APP: variants seen among roughly 807,000 people sequenced by gnomAD.
The protein encoded by APP is amyloid-beta precursor protein.
A neutral mutation model predicts 101.4 loss-of-function variants in APP; 31 were observed. That is an observed-to-expected ratio of 0.31 (90% confidence interval 0.23 to 0.41). APP has a LOEUF of 0.41. Among genes scored for constraint, APP ranks in the 10% least tolerant of loss-of-function variants. APP has a pLI of 1.00. For synonymous variants in APP, 366 were observed against 364.4 expected, an observed-to-expected ratio of 1.00 and a Z score of -0.05; for missense variants, 839 against 1,003.7, an observed-to-expected ratio of 0.84 and a Z score of 2.22.
chr21:26,043,158 C>T (rs2045450708), intron 5 of APP, among the ~76,000 whole-genome samples: 1 of 152,164 alleles, frequency 6.6e-6, no homozygotes, highest in African/African-American at 2.4e-5. Context: ...ACCCATCATG[C>T]TATGTTATTA....
chr21:26,169,212 A>G (rs2063684786), intron 1 of APP: 1 of 152,302 alleles, frequency 6.6e-6, no homozygotes, highest in African/African-American at 2.4e-5. Context: ...AAGACTTGTT[A>G]TACACCTAGT....
intron 11 of APP, among the ~76,000 whole-genome samples, chr21:25,962,383 T>C (rs769517192): frequency 6.6e-6 from 1 of 152,238 alleles, no homozygotes; most frequent in Non-Finnish European, 1.5e-5. Flanking sequence ...TATTTCTACC[T>C]CTAGGCACAG....
chr21:25,932,734 A>G (rs1174856165), intron 13 of APP, among the ~76,000 whole-genome samples: 1 of 151,516 alleles, frequency 6.6e-6, no homozygotes, highest in African/African-American at 2.5e-5. Context: ...TGAAACTAAA[A>G]AAGAAAAAAA....
intron 5 of APP, among the ~76,000 whole-genome samples, chr21:26,025,605 C>A (rs2044534424): frequency 6.6e-6 from 1 of 152,110 alleles, no homozygotes; most frequent in African/African-American, 2.4e-5. Flanking sequence ...TGAATAGAAA[C>A]CATGTTTGTA....
chr21:25,890,775 G>C (rs1401160306), intron 17 of APP, among the ~76,000 whole-genome samples: 3 of 150,088 alleles, frequency 2.0e-5, no homozygotes, highest in East Asian at 2.0e-4. Flanking sequence ...TGGACTCTGA[G>C]CTTGACCTTG....
chr21:26,094,288 G>A (rs1269244276), intron 2 of APP, among the ~76,000 whole-genome samples: 1 of 152,060 alleles, frequency 6.6e-6, no homozygotes, highest in Non-Finnish European at 1.5e-5. Flanking sequence ...TCCAACATCA[G>A]GAGGTTTATT....
intron 13 of APP, among the ~76,000 whole-genome samples, chr21:25,912,317 A>G (rs1469679730): frequency 6.6e-6 from 1 of 152,180 alleles, no homozygotes; most frequent in African/African-American, 2.4e-5. Context: ...CTAGTATACA[A>G]TGATCGCACA....
chr21:25,890,071 A>G (rs887034458), intron 17 of APP, among the ~76,000 whole-genome samples: 1 of 152,230 alleles, frequency 6.6e-6, no homozygotes, highest in East Asian at 1.9e-4. Flanking sequence ...ATAAGCTTAG[A>G]TACTATCACA....
chr21:25,883,479 C>T (rs373081336), intron 17 of APP, among the ~76,000 whole-genome samples: 3 of 151,920 alleles, frequency 2.0e-5, no homozygotes, highest in East Asian at 1.9e-4. Context: ...ATCACGAGGT[C>T]GGGAGTTTGA....
At chr21:25,958,914 C>A (rs367756528) in intron 11 of APP, among the ~76,000 whole-genome samples, 2 of 152,142 alleles carry the variant, frequency 1.3e-5, no homozygotes, top group South Asian at 2.1e-4. Context: ...GTCATAGCAG[C>A]TCTCCCCACC....
At position 25,975,071 on chromosome 21, in the gene APP, C is replaced by A; in HGVS notation, c.1457G>T (p.Arg486Leu). 4 of 1,614,038 alleles carry A rather than the reference C, an allele frequency of 2.5e-6. No homozygotes were observed. Among genetic ancestry groups the A allele is most frequent in the African/African-American group, 1.3e-5 (1 of 74,996 alleles). The change falls in exon 11 of 18, where the codon CGG (arginine) becomes CTG (leucine). Residue 486 changes from arginine (R) to leucine (L), a missense_variant and splice_region_variant. Arg to Leu is a moderately radical substitution (Grantham distance 102, BLOSUM62 -2). Transcript: ENST00000346798. Reference sequence around the variant, plus strand: ...GAACTCGGCTGCAGCGAGACCTACCCGAGGAGGAACAGCCTGCAGAGCGGT... The same window carrying A: ...GAACTCGGCTGCAGCGAGACCTACCAGAGGAGGAACAGCCTGCAGAGCGGT... ...YITALQAVPP[R>L]PRHVFNMLKK... is the part of the protein sequence containing the mutation.
At chr21:25,932,055 C>A (rs1305364645) in intron 13 of APP, among the ~76,000 whole-genome samples, 2 of 152,296 alleles carry the variant, frequency 1.3e-5, no homozygotes, top group Non-Finnish European at 2.9e-5. Context: ...GCTGCAAATT[C>A]TTTGTATTGT....
At chr21:26,071,852 T>A (rs964864699) in intron 3 of APP, among the ~76,000 whole-genome samples, 1 of 152,198 alleles carries the variant, frequency 6.6e-6, no homozygotes, top group Non-Finnish European at 1.5e-5. Flanking sequence ...ACCCTTTTAA[T>A]GACTAAATAA....
chr21:25,891,976 G>C lies in APP; in HGVS notation c.2065-108C>G, dbSNP rs960074789. Reference sequence around the variant, plus strand: ...ATTTCTTAAATGCAGGGGACATTTGGATGAGGTTATATAAAAAGTTTCAGT... The same window carrying C: ...ATTTCTTAAATGCAGGGGACATTTGCATGAGGTTATATAAAAAGTTTCAGT... On this transcript the variant is annotated intron_variant, in intron 16 of 17. Transcript: ENST00000346798. 11 of 1,172,318 alleles carry C rather than the reference G, an allele frequency of 9.4e-6. No individual in the cohort carries two copies. The African/African-American group carries it at 1.5e-4, about 16-fold the overall frequency. 72.6% of individuals were successfully genotyped at this position (1,172,318 alleles called of 1,614,324 possible). A position where few individuals can be genotyped will look rare whatever the true frequency, so the allele number is the denominator to read the frequency against.
At chr21:25,987,941 A>G (rs1417487686) in intron 8 of APP, among the ~76,000 whole-genome samples, 3 of 152,248 alleles carry the variant, frequency 2.0e-5, no homozygotes, top group African/African-American at 7.2e-5. Flanking sequence ...TTTAAAAGCC[A>G]GTAAGTCATA....
At chr21:25,897,722 T>C (rs2038172651) in intron 15 of APP, 49 bp from the exon 16 acceptor site, 1 of 1,469,178 alleles carries the variant, frequency 6.8e-7, no homozygotes, top group African/African-American at 1.4e-5. Flanking sequence ...TTAGTTTTAC[T>C]CATAAATAAT....
chr21:26,125,553 A>T (rs1187616787), intron 1 of APP, among the ~76,000 whole-genome samples: 1 of 152,130 alleles, frequency 6.6e-6, no homozygotes, highest in Non-Finnish European at 1.5e-5. Context: ...AAGGCTTGTA[A>T]ATTTCAAGGA....
At chr21:26,055,936 T>C (rs760942881) in intron 3 of APP, among the ~76,000 whole-genome samples, 7 of 152,234 alleles carry the variant, frequency 4.6e-5, no homozygotes, top group Non-Finnish European at 1.0e-4. Context: ...TCTTGTTTTA[T>C]CTGCCCTTAG....
At chr21:26,008,610 A>G (rs1048412788) in intron 6 of APP, among the ~76,000 whole-genome samples, 3 of 152,210 alleles carry the variant, frequency 2.0e-5, no homozygotes, top group Non-Finnish European at 4.4e-5. Context: ...ACTAATGGCT[A>G]TGGCTTACAA....
Sources: gnomAD v4.1 joint callset for allele counts (sites outside exome capture counted in the v4.1 genomes callset) on GRCh38, gnomAD v4.1.1 for gene constraint, MANE v1.5 for transcripts, NCBI Gene and HGNC (gene_info 2026-07-23, HGNC 2026-07-21) for gene names.